FGD3: variants seen among roughly 807,000 people sequenced by gnomAD.
FGD3 encodes the protein FYVE, RhoGEF and PH domain containing 3.
In FGD3, 45 loss-of-function variants were observed where a neutral mutation model predicts 71.8. The observed-to-expected ratio is 0.63, with a 90% CI of 0.49 to 0.80. The LOEUF is 0.80. Among genes scored for constraint, FGD3 ranks in the 30% least tolerant of loss-of-function variants. FGD3 has a pLI of 0.00. For synonymous variants in FGD3, 378 were observed against 392.8 expected, an observed-to-expected ratio of 0.96 and a Z score of 0.44; for missense variants, 844 against 951.5, an observed-to-expected ratio of 0.89 and a Z score of 1.49.
chr9:93,012,118 C>T (rs1303625948), intron 8 of FGD3, among the ~76,000 whole-genome samples: 1 of 148,666 alleles, frequency 6.7e-6, no homozygotes, highest in East Asian at 2.0e-4. Flanking sequence ...CGCGCCACTG[C>T]ACTCCAGCCT....
chr9:92,949,567 G>A lies in FGD3; in HGVS notation c.-218+1838G>A, dbSNP rs190398847. 8.0e-4 allele frequency among the ~76,000 whole-genome samples: 122 copies of A among 152,268 alleles called. 1 individual carries two copies. The highest frequency in any genetic ancestry group is 8.1e-4 in the Non-Finnish European group (55 of 68,012). ...TCGTCATTCTCCAGGACATCCCAAC[G>A]AGGGATATCCAGCAGCCTTCCTTGA... is the stretch of plus-strand genomic sequence containing the variant. On this transcript the variant is annotated intron_variant, in intron 1 of 17. Transcript: ENST00000375482.
chr9:92,969,056 T>C lies in FGD3; in HGVS notation c.-217-6182T>C, dbSNP rs1045064098. Among the ~76,000 whole-genome samples, 7 of 152,234 alleles carry C rather than the reference T, an allele frequency of 4.6e-5. No individual in the cohort carries two copies. The highest frequency in any genetic ancestry group is 1.7e-4 in the African/African-American group (7 of 41,452). The stretch of plus-strand genomic sequence containing the variant: ...GAGAAGCCATATGGGGACCAGCGGA[T>C]ATAGGCAGTTCACATGGTTTATTGT... On this transcript the variant is annotated intron_variant, in intron 1 of 17. Transcript: ENST00000375482. This position sits in a 1 kb window ranked among gnomAD's most constrained non-coding sequence, Gnocchi z 4.5.
At chr9:93,034,193 G>T (rs532670069) in intron 16 of FGD3, 111 of 225,462 alleles carry the variant, frequency 4.9e-4, no homozygotes, top group Middle Eastern at 2.9e-3. Flanking sequence ...TGTATATGGT[G>T]TGTGTAGAAC....
chr9:92,969,685 G>A lies in FGD3; in HGVS notation c.-217-5553G>A, dbSNP rs116617554. Among the ~76,000 whole-genome samples the A allele has an allele frequency of 1.2e-3, 187 of 152,198 alleles. No homozygotes were observed. Among genetic ancestry groups the A allele is most frequent in the African/African-American group, 4.3e-3 (178 of 41,510 alleles). ...TTCAGATGGGGGGGGACTCCCGCAC[G>A]GCCTCCCGGGAAGGGACATCTGGTG... is the stretch of plus-strand genomic sequence containing the variant. On this transcript the variant is annotated intron_variant, in intron 1 of 17. Coordinates refer to ENST00000375482, the MANE Select transcript of FGD3 (RefSeq NM_001083536.2). The surrounding 1 kb of genome is among the most constrained non-coding windows in gnomAD (Gnocchi z 4.5).
At chr9:92,996,082 A>C (rs1429175220) in intron 3 of FGD3, among the ~76,000 whole-genome samples, 3 of 152,190 alleles carry the variant, frequency 2.0e-5, no homozygotes, top group Non-Finnish European at 2.9e-5. Flanking sequence ...CTCTGGTAGA[A>C]TTCGGCTGTG....
chr9:92,993,354 C>T (rs1860495317), intron 3 of FGD3, among the ~76,000 whole-genome samples: 1 of 152,112 alleles, frequency 6.6e-6, no homozygotes, highest in South Asian at 2.1e-4. Flanking sequence ...GTATCTTTTT[C>T]CATCCTGTCA....
In FGD3 at chr9:92,995,641, TATGTCCC is replaced by T. The variant is rs1277620828; in HGVS notation, c.454-7281_454-7275del. Among the ~76,000 whole-genome samples, 9 of 152,354 alleles carry T rather than the reference TATGTCCC, an allele frequency of 5.9e-5. No homozygotes were observed. In the East Asian group the frequency reaches 1.7e-3, roughly 29 times the overall value. On this transcript the variant is annotated intron_variant, in intron 3 of 17. Transcript: ENST00000375482. Reference sequence around the variant, plus strand: ...ATAAATAGCTCTTATTATTTTGAGATATGTCCCATCAATATCTAGTTTATCAAGAGTT... The same window carrying T: ...ATAAATAGCTCTTATTATTTTGAGATATCAATATCTAGTTTATCAAGAGTT...
intron 1 of FGD3, among the ~76,000 whole-genome samples, chr9:92,970,061 G>T (rs1419628466): frequency 6.6e-6 from 1 of 152,198 alleles, no homozygotes; most frequent in Non-Finnish European, 1.5e-5. Context: ...GAAAGCTGAG[G>T]TGGCTGCATA....
At chr9:93,016,039 T>G (rs1171010686) in intron 10 of FGD3, among the ~76,000 whole-genome samples, 1 of 152,230 alleles carries the variant, frequency 6.6e-6, no homozygotes, top group Non-Finnish European at 1.5e-5. Flanking sequence ...CCTTCTCTGC[T>G]TGGCCCACCT....
intron 3 of FGD3, among the ~76,000 whole-genome samples, chr9:92,989,174 C>T (rs959720930): frequency 5.3e-5 from 8 of 152,210 alleles, no homozygotes; most frequent in African/African-American, 1.9e-4. Flanking sequence ...CCTCAGCCTC[C>T]TGAGTAGCTG....
chr9:93,020,337 G>A lies in FGD3; in HGVS notation c.1407G>A (p.Glu469=), dbSNP rs748756358. Residue 469 remains glutamate (E), a synonymous_variant, in exon 13 of 18, where the codon GAG becomes GAA. Coordinates refer to ENST00000375482, the MANE Select transcript of FGD3 (RefSeq NM_001083536.2). ...EWIQIIQATI[E]KHKQNSETFK... Reference sequence around the variant, plus strand: ...TCCAGATCATCCAGGCCACCATCGAGAAGCACAAACAGAACAGCGAAACCT... The same window carrying A: ...TCCAGATCATCCAGGCCACCATCGAAAAGCACAAACAGAACAGCGAAACCT... The A allele has an allele frequency of 2.5e-6, 4 of 1,612,992 alleles. No homozygotes were observed. The highest frequency in any genetic ancestry group is 3.4e-6 in the Non-Finnish European group (4 of 1,179,702).
intron 3 of FGD3, among the ~76,000 whole-genome samples, chr9:92,996,627 T>C (rs140987302): frequency 0.026 from 3,993 of 152,092 alleles, 71 homozygotes; most frequent in Non-Finnish European, 0.04. Flanking sequence ...GCTATAAATT[T>C]CGCTCTACAC....
chr9:93,021,290 A>T (rs1861908152), intron 13 of FGD3, among the ~76,000 whole-genome samples: 1 of 152,004 alleles, frequency 6.6e-6, no homozygotes, highest in East Asian at 1.9e-4. Context: ...GCCCAGGGGG[A>T]TTTCACATGG....
At position 92,989,457 on chromosome 9, in the gene FGD3, C is replaced by T. The variant is rs114251366; in HGVS notation, c.453+12748C>T. On this transcript the variant is annotated intron_variant, in intron 3 of 17. Transcript: ENST00000375482. Reference sequence around the variant, plus strand: ...GTGTTTTTTAGTTTTCTTTTGTAAACCAAAAAGTATCTGATACTGGTTTCA... The same window carrying T: ...GTGTTTTTTAGTTTTCTTTTGTAAATCAAAAAGTATCTGATACTGGTTTCA... Among the ~76,000 whole-genome samples the T allele has an allele frequency of 6.3e-3, 960 of 152,240 alleles. 9 individuals carry two copies. The highest frequency in any genetic ancestry group is 0.022 in the African/African-American group (901 of 41,540).
At chr9:92,972,869 G>A (rs1859587533) in intron 1 of FGD3, among the ~76,000 whole-genome samples, 3 of 152,006 alleles carry the variant, frequency 2.0e-5, no homozygotes, top group African/African-American at 7.3e-5. Context: ...CTAATTGGTT[G>A]TTAATTCCTT....
chr9:93,018,226 G>A lies in FGD3; in HGVS notation c.1355+11G>A, dbSNP rs1460599105. 1 of 1,610,992 alleles carries A rather than the reference G, an allele frequency of 6.2e-7. No homozygotes were observed. Among genetic ancestry groups the A allele is most frequent in the Admixed American group, 1.7e-5 (1 of 59,912 alleles). On this transcript the variant is annotated intron_variant, in intron 11 of 17. Transcript: ENST00000375482. ...GGAGCTGCAGACGCGGTATGGAACG[G>A]GCTGTTTCTAGTGAATGTCTTTGAC...
rs1859439385 is a variant in FGD3, at chr9:92,969,067, C to G, written c.-217-6171C>G. Among the ~76,000 whole-genome samples, 2 of 152,212 alleles carry G rather than the reference C, an allele frequency of 1.3e-5. No individual in the cohort carries two copies. Among genetic ancestry groups the G allele is most frequent in the Non-Finnish European group, 2.9e-5 (2 of 68,034 alleles). ...TGGGGACCAGCGGATATAGGCAGTTCACATGGTTTATTGTATCACCTAGAG... is the reference window on the plus strand; with the variant it reads ...TGGGGACCAGCGGATATAGGCAGTTGACATGGTTTATTGTATCACCTAGAG... On this transcript the variant is annotated intron_variant, in intron 1 of 17. Coordinates refer to ENST00000375482, the MANE Select transcript of FGD3 (RefSeq NM_001083536.2). The surrounding 1 kb of genome is among the most constrained non-coding windows in gnomAD (Gnocchi z 4.5).
intron 6 of FGD3, among the ~76,000 whole-genome samples, chr9:93,006,852 G>A (rs1461174520): frequency 6.0e-5 from 9 of 150,946 alleles, no homozygotes; most frequent in Non-Finnish European, 1.2e-4. Context: ...TCAGCCTCCC[G>A]AGTAGCTGGG....
chr9:92,968,910 G>A (rs965022858), intron 1 of FGD3, among the ~76,000 whole-genome samples: 4 of 152,134 alleles, frequency 2.6e-5, no homozygotes, highest in African/African-American at 9.7e-5. Flanking sequence ...CGCCCAGCCT[G>A]GTGGCTTTAA....
Sources: gnomAD v4.1 joint callset for allele counts (sites outside exome capture counted in the v4.1 genomes callset) on GRCh38, gnomAD v4.1.1 for gene constraint, Gnocchi (gnomAD v3.1) non-coding constraint, MANE v1.5 for transcripts, NCBI Gene and HGNC (gene_info 2026-07-23, HGNC 2026-07-21) for gene names.